CEP152: variants seen among roughly 807,000 people sequenced by gnomAD.
CEP152 encodes centrosomal protein of 152 kDa.
A neutral mutation model predicts 188.9 loss-of-function variants in CEP152; 132 were observed. That is an observed-to-expected ratio of 0.70 (90% CI 0.61 to 0.81). The LOEUF (loss-of-function observed/expected upper bound fraction) is 0.81, where lower values mean the gene tolerates loss of function less well. Among genes scored for constraint, CEP152 ranks in the 30% least tolerant of loss-of-function variants. The pLI is 0.00. For missense variants in CEP152, 1,914 were observed against 1,969.8 expected, an observed-to-expected ratio of 0.97 and a Z score of 0.54; for synonymous variants, 649 against 666.6, an observed-to-expected ratio of 0.97 and a Z score of 0.41.
intron 6 of CEP152, among the ~76,000 whole-genome samples, chr15:48,795,643 T>G (rs1387326717): frequency 6.6e-6 from 1 of 152,232 alleles, no homozygotes; most frequent in East Asian, 1.9e-4. Context: ...AAATGTCTTT[T>G]AACTTTTCAT....
chr15:48,773,734 T>C (rs1254109208), intron 12 of CEP152, among the ~76,000 whole-genome samples: 1 of 152,228 alleles, frequency 6.6e-6, no homozygotes, highest in Non-Finnish European at 1.5e-5. Context: ...AAGCCTTTTC[T>C]AAACCTGATG....
intron 13 of CEP152, among the ~76,000 whole-genome samples, chr15:48,772,150 A>T (rs916012343): frequency 6.6e-6 from 1 of 152,174 alleles, no homozygotes; most frequent in African/African-American, 2.4e-5. Flanking sequence ...GGTTAGTCAC[A>T]CCTGTAATCC....
At chr15:48,788,588 GC>G (rs1896813434) in intron 9 of CEP152, among the ~76,000 whole-genome samples, 1 of 150,656 alleles carries the variant, frequency 6.6e-6, no homozygotes, top group African/African-American at 2.4e-5. Context: ...CAGGTGATCC[GC>G]CTGCCTTGGC....
intron 23 of CEP152, 106 bp from the exon 24 acceptor site, chr15:48,744,449 C>T (rs1893259366): frequency 6.5e-7 from 1 of 1,533,320 alleles, no homozygotes. Flanking sequence ...CTGAGAAGTG[C>T]TAAAAATCTC....
chr15:48,777,465 ATT>A (rs1491194568), intron 12 of CEP152, among the ~76,000 whole-genome samples: 2 of 66,596 alleles, frequency 3.0e-5, no homozygotes, highest in Non-Finnish European at 3.2e-5. Context: ...ATCTTAGAAT[ATT>A]GTGTGTGTGT....
At chr15:48,799,976 CT>C (rs1354155979) in intron 2 of CEP152, among the ~76,000 whole-genome samples, 1 of 152,126 alleles carries the variant, frequency 6.6e-6, no homozygotes, top group Non-Finnish European at 1.5e-5. Context: ...AGAATATTTT[CT>C]TGTAAACCTT....
intron 2 of CEP152, chr15:48,729,426 A>C (rs1404751560): frequency 6.6e-6 from 1 of 152,158 alleles, no homozygotes; most frequent in Non-Finnish European, 1.5e-5. Context: ...AGTCCCAGCT[A>C]TTCAAGAGGC....
chr15:48,785,710 T>G (rs1005537060), intron 9 of CEP152, among the ~76,000 whole-genome samples: 8 of 152,084 alleles, frequency 5.3e-5, no homozygotes, highest in South Asian at 2.1e-4. Context: ...GGAAAACAGA[T>G]CATACTCATA....
At chr15:48,796,517 A>G (rs1278409854) in intron 5 of CEP152, among the ~76,000 whole-genome samples, 3 of 152,200 alleles carry the variant, frequency 2.0e-5, no homozygotes, top group Non-Finnish European at 4.4e-5. Context: ...TTATGCCAAC[A>G]TCTTGGGAAT....
At chr15:48,774,408 T>C (rs1014164561) in intron 12 of CEP152, among the ~76,000 whole-genome samples, 2 of 152,060 alleles carry the variant, frequency 1.3e-5, no homozygotes, top group African/African-American at 4.8e-5. Flanking sequence ...AAAACCAGCA[T>C]ACATCACACC....
intron 11 of CEP152, 143 bp from the exon 12 acceptor site, chr15:48,781,502 T>G (rs1326777434): frequency 1.6e-6 from 1 of 637,482 alleles, no homozygotes; most frequent in East Asian, 2.8e-5. Context: ...TTATACTTTA[T>G]AAAGGTCGGC....
chr15:48,772,742 A>AT (rs1457568137), intron 12 of CEP152, 51 bp from the exon 13 acceptor site: 2 of 1,500,888 alleles, frequency 1.3e-6, no homozygotes, highest in Non-Finnish European at 1.9e-6. Flanking sequence ...TAAATCAGAC[A>AT]TGGTTATTCC....
rs374221692 is a variant in CEP152, at chr15:48,799,245, A to C, written c.88-1194T>G. 3.3e-5 allele frequency among the ~76,000 whole-genome samples: 5 copies of C among 152,184 alleles called. No homozygotes were observed. In the East Asian group the frequency reaches 5.8e-4, roughly 18 times the overall value. ...AGTACAAAAGAAATGGAATGTGTCC[A>C]TAAAACATATCTGAGTATTATATTA... On this transcript the variant is annotated intron_variant, in intron 2 of 26. Coordinates refer to ENST00000380950, the MANE Select transcript of CEP152 (RefSeq NM_001194998.2).
intron 22 of CEP152, among the ~76,000 whole-genome samples, chr15:48,745,510 G>A (rs1893339444): frequency 6.6e-6 from 1 of 151,968 alleles, no homozygotes; most frequent in Admixed American, 6.6e-5. Flanking sequence ...GTGTGCAGGC[G>A]GGCTGAGTCC....
chr15:48,755,779 C>CAT, intron 20 of CEP152, 124 bp downstream of exon 20: 1 of 1,532,144 alleles, frequency 6.5e-7, no homozygotes, highest in East Asian at 2.3e-5. Flanking sequence ...CTTTTTTAAA[C>CAT]CACTGACAAA....
At chr15:48,768,187 A>G in intron 15 of CEP152, 32 bp downstream of exon 15, 1 of 1,255,140 alleles carries the variant, frequency 8.0e-7, no homozygotes, top group Non-Finnish European at 1.2e-6. Flanking sequence ...GGTACCCAGG[A>G]GACAGTCGTC....
chr15:48,781,494 A>T (rs1896239850), intron 11 of CEP152, 135 bp from the exon 12 acceptor site: 1 of 651,466 alleles, frequency 1.5e-6, no homozygotes, highest in East Asian at 2.8e-5. Context: ...AGTACACATT[A>T]TACTTTATAA....
intron 18 of CEP152, among the ~76,000 whole-genome samples, chr15:48,760,742 A>G (rs199667162): frequency 6.6e-6 from 1 of 152,158 alleles, no homozygotes; most frequent in African/African-American, 2.4e-5. Context: ...ATGAGTTTAT[A>G]CTAAAGAATG....
intron 12 of CEP152, among the ~76,000 whole-genome samples, chr15:48,777,466 TTGTGTGTGTG>T (rs35650877): frequency 2.0e-5 from 3 of 147,348 alleles, no homozygotes; most frequent in African/African-American, 5.0e-5. Context: ...TCTTAGAATA[TTGTGTGTGTG>T]TGTGTGTGTG....
Sources: allele counts gnomAD v4.1 joint callset (sites outside exome capture counted in the v4.1 genomes callset), GRCh38; gene constraint gnomAD v4.1.1; transcripts MANE v1.5; gene names NCBI Gene and HGNC (gene_info 2026-07-23, HGNC 2026-07-21).